PAPPA: variants seen among roughly 807,000 people sequenced by gnomAD.
PAPPA encodes pappalysin 1, also known as pappalysin-1.
Under a neutral mutation model 164.0 loss-of-function variants are expected in PAPPA, and 60 were observed. The ratio of observed to expected loss-of-function variants is 0.37; its 90% CI spans 0.30 to 0.45. The LOEUF (loss-of-function observed/expected upper bound fraction) is 0.45, where lower values mean the gene tolerates loss of function less well. PAPPA is among the 20% of genes least tolerant of loss of function. PAPPA has a pLI of 1.00. For missense variants in PAPPA, 1,782 were observed against 2,087.3 expected, an observed-to-expected ratio of 0.85 and a Z score of 2.85; for synonymous variants, 875 against 814.1, an observed-to-expected ratio of 1.07 and a Z score of -1.27.
At chr9:116,381,749 G>A (rs925430265) in intron 20 of PAPPA, among the ~76,000 whole-genome samples, 2 of 152,148 alleles carry the variant, frequency 1.3e-5, no homozygotes, top group African/African-American at 2.4e-5. Context: ...TTGAGTCTCC[G>A]CATCTTCATC....
chr9:116,190,115 C>T (rs1844024101), intron 2 of PAPPA, among the ~76,000 whole-genome samples: 1 of 152,202 alleles, frequency 6.6e-6, no homozygotes, highest in Non-Finnish European at 1.5e-5. Context: ...TCACATTTGA[C>T]TGATGGGAAA....
intron 12 of PAPPA, 69 bp downstream of exon 12, chr9:116,332,537 T>TGGGGCA: frequency 7.0e-7 from 1 of 1,427,806 alleles, no homozygotes; most frequent in Non-Finnish European, 9.8e-7. Context: ...TAACTAGTTG[T>TGGGGCA]GAGGATCAGC....
intron 1 of PAPPA, among the ~76,000 whole-genome samples, chr9:116,164,091 A>T (rs577392261): frequency 6.6e-4 from 101 of 152,336 alleles, no homozygotes; most frequent in African/African-American, 2.4e-3. Context: ...AGGCCATTCC[A>T]GACAAATTCC....
intron 2 of PAPPA, among the ~76,000 whole-genome samples, chr9:116,196,722 G>A (rs1035205684): frequency 3.3e-5 from 5 of 152,132 alleles, no homozygotes; most frequent in African/African-American, 1.2e-4. Context: ...CCATTTTTCA[G>A]AGGAGCATTT....
At position 116,265,858 on chromosome 9, in the gene PAPPA, G is replaced by T. The variant is rs1587978663; in HGVS notation, c.2734G>T (p.Asp912Tyr). The T allele has an allele frequency of 1.9e-6, 3 of 1,595,318 alleles. No homozygotes were observed. The highest frequency in any genetic ancestry group is 2.6e-6 in the Non-Finnish European group (3 of 1,165,168). ...TTATGTCTTCTTTGTATTTTCCAGGGATCTAAATCTTGGCAGTGTGTACCA... is the reference window on the plus strand; with the variant it reads ...TTATGTCTTCTTTGTATTTTCCAGGTATCTAAATCTTGGCAGTGTGTACCA... ...LHLNRKFVDM[D>Y]LNLGSVYQYW... is the part of the protein sequence containing the mutation. The change falls in exon 8 of 22, where the codon GAT becomes TAT. Residue 912 changes from aspartate (D) to tyrosine (Y), a missense_variant and splice_region_variant. Asp to Tyr is a radical substitution (Grantham distance 160). Transcript: ENST00000328252.
intron 1 of PAPPA, among the ~76,000 whole-genome samples, chr9:116,159,045 A>G (rs1843634497): frequency 6.6e-6 from 1 of 152,186 alleles, no homozygotes; most frequent in African/African-American, 2.4e-5. Flanking sequence ...TACAGATCGA[A>G]GAGGGTGAGA....
intron 9 of PAPPA, among the ~76,000 whole-genome samples, chr9:116,297,019 T>A (rs1845518063): frequency 6.6e-6 from 1 of 152,014 alleles, no homozygotes; most frequent in Non-Finnish European, 1.5e-5. Context: ...CATGCCTGGC[T>A]AATTTTTGTA....
chr9:116,379,152 CTCACCTGTCAGACTCTGAGCCCT>C (rs1473728157), intron 20 of PAPPA, among the ~76,000 whole-genome samples: 1 of 152,208 alleles, frequency 6.6e-6, no homozygotes, highest in Admixed American at 6.5e-5. Context: ...CCAAGAGACC[CTCACCTGTCAGACTCTGAGCCCT>C]GCCAGTGATG....
At chr9:116,358,586 C>G (rs1173709891) in intron 17 of PAPPA, among the ~76,000 whole-genome samples, 1 of 152,220 alleles carries the variant, frequency 6.6e-6, no homozygotes, top group Non-Finnish European at 1.5e-5. Context: ...CAGCATGCCT[C>G]CAAAGCTTAG....
At chr9:116,379,258 TG>T (rs113856587) in intron 20 of PAPPA, among the ~76,000 whole-genome samples, 8 of 152,342 alleles carry the variant, frequency 5.3e-5, no homozygotes, top group African/African-American at 1.9e-4. Context: ...GTGCCTTGTC[TG>T]GAGCTGAAAA....
At position 116,398,512 on chromosome 9, in the gene PAPPA, T is replaced by C. The variant is rs3810939; in HGVS notation, c.*1896T>C. The C allele has an allele frequency of 0.3, 352,214 of 1,183,316 alleles. 54,332 individuals carry two copies. Among genetic ancestry groups the C allele is most frequent in the Admixed American group, 0.44 (13,337 of 30,008 alleles). 73.3% of individuals were successfully genotyped at this position (1,183,316 alleles called of 1,614,324 possible). A position where few individuals can be genotyped will look rare whatever the true frequency, so the allele number is the denominator to read the frequency against. On this transcript the variant is annotated 3_prime_UTR_variant, in exon 22 of 22. Coordinates refer to ENST00000328252, the MANE Select transcript of PAPPA (RefSeq NM_002581.5). Reference sequence around the variant, plus strand: ...AAAAAAAAAAGAGACCAAAAATAACTTTAGGAACCACCATATTATATCACT... The same window carrying C: ...AAAAAAAAAAGAGACCAAAAATAACCTTAGGAACCACCATATTATATCACT...
intron 7 of PAPPA, among the ~76,000 whole-genome samples, chr9:116,249,828 GAGA>G (rs2118776710): frequency 6.6e-6 from 1 of 152,288 alleles, no homozygotes; most frequent in East Asian, 1.9e-4. Context: ...ATGAAACAAG[GAGA>G]AGGAGTTCAA....
At chr9:116,314,090 T>C (rs1845757495) in intron 10 of PAPPA, among the ~76,000 whole-genome samples, 1 of 133,328 alleles carries the variant, frequency 7.5e-6, no homozygotes, top group Non-Finnish European at 1.6e-5. Context: ...TTTTTTTTTT[T>C]GAGATGGAGT....
intron 2 of PAPPA, among the ~76,000 whole-genome samples, chr9:116,195,518 C>T (rs1004026123): frequency 8.5e-5 from 13 of 152,194 alleles, no homozygotes; most frequent in African/African-American, 2.4e-4. Context: ...TAACCTTGCA[C>T]AGGTCTCTTC....
At chr9:116,355,469 A>G (rs562880377) in intron 17 of PAPPA, among the ~76,000 whole-genome samples, 1 of 151,296 alleles carries the variant, frequency 6.6e-6, no homozygotes, top group Admixed American at 6.6e-5. Flanking sequence ...GTTCTCATAC[A>G]CTCTCGGCGT....
chr9:116,337,703 C>T (rs1846079650), intron 13 of PAPPA, among the ~76,000 whole-genome samples: 1 of 151,890 alleles, frequency 6.6e-6, no homozygotes, highest in South Asian at 2.1e-4. Flanking sequence ...CTCTCTCTCT[C>T]CCCCGCCCCC....
chr9:116,278,042 T>C (rs986412941), intron 9 of PAPPA, among the ~76,000 whole-genome samples: 3 of 152,192 alleles, frequency 2.0e-5, no homozygotes, highest in Admixed American at 2.0e-4. Flanking sequence ...CCCCGTTTTG[T>C]AGAGGAAAAA....
At chr9:116,257,736 A>G (rs149142626) in intron 7 of PAPPA, among the ~76,000 whole-genome samples, 91 of 152,146 alleles carry the variant, frequency 6.0e-4, no homozygotes, top group African/African-American at 2.1e-3. Context: ...TGAAAAGGAA[A>G]CGACAAAACT....
At chr9:116,331,382 G>A (rs1564228693) in intron 11 of PAPPA, 25 bp downstream of exon 11, 2 of 1,361,302 alleles carry the variant, frequency 1.5e-6, no homozygotes, top group Middle Eastern at 1.8e-4. Context: ...TGAGAGCTTT[G>A]GAATCTCCAG....
Sources: gnomAD v4.1 joint callset for allele counts (sites outside exome capture counted in the v4.1 genomes callset) on GRCh38, gnomAD v4.1.1 for gene constraint, MANE v1.5 for transcripts, NCBI Gene and HGNC (gene_info 2026-07-23, HGNC 2026-07-21) for gene names.